The following AXL variants were observed in gnomAD, a reference collection of about 807,000 sequenced individuals.
The protein encoded by AXL is AXL receptor tyrosine kinase, also known as tyrosine-protein kinase receptor UFO.
In AXL, 52 loss-of-function variants were observed where a neutral mutation model predicts 104.5. That is an observed-to-expected ratio of 0.50 (90% CI 0.40 to 0.63). AXL has a LOEUF of 0.63. AXL is among the 20% of genes least tolerant of loss of function. AXL has a pLI of 0.00. For missense variants in AXL, 1,024 were observed against 1,188.5 expected (o/e 0.86, Z 2.04); for synonymous variants, 455 against 473.7 (o/e 0.96, Z 0.51).
chr19:41,229,043 G>A (rs1029542043), intron 4 of AXL, among the ~76,000 whole-genome samples: 19 of 149,146 alleles, frequency 1.3e-4, no homozygotes, highest in African/African-American at 4.5e-4. Context: ...TCTGCCTCCC[G>A]GGTTCAAGCT....
rs1479308023 is a variant in AXL at position 41,230,971 on chromosome 19, G to A, written c.591G>A (p.Leu197=). Residue 197 remains leucine, a synonymous_variant, in exon 5 of 20, where the codon CTG becomes CTA. Coordinates refer to ENST00000301178, the MANE Select transcript of AXL (RefSeq NM_021913.5). ...TTCCCTCATATGACTCCCTAGGGCT[G>A]AACAAGACATCCTCTTTCTCCTGCG... is the stretch of plus-strand genomic sequence containing the variant. ...GPQRSLHVPG[L]NKTSSFSCEA... 3 of 1,613,748 alleles carry A rather than the reference G, an allele frequency of 1.9e-6. No homozygotes were observed. In the African/African-American group the frequency reaches 4.0e-5, roughly 22 times the overall value.
rs772579333 is a variant in AXL at position 41,257,483 on chromosome 19, C to A, written c.2197-10C>A. ...AGGAGAGACTGTCTAATTCCCTCTGCCCCTCACAGTGGTCCTTCGGGGTGA... is the reference window on the plus strand; with the variant it reads ...AGGAGAGACTGTCTAATTCCCTCTGACCCTCACAGTGGTCCTTCGGGGTGA... On this transcript the variant is annotated splice_polypyrimidine_tract_variant and intron_variant, in intron 18 of 19. Coordinates refer to ENST00000301178, the MANE Select transcript of AXL (RefSeq NM_021913.5). 1 of 1,614,140 alleles carries A rather than the reference C, an allele frequency of 6.2e-7. No homozygotes were observed. The highest frequency in any genetic ancestry group is 1.3e-5 in the African/African-American group (1 of 75,046).
At chr19:41,220,987 G>C (rs1475059053) in intron 2 of AXL, 129 bp downstream of exon 2, 13 of 1,255,556 alleles carry the variant, frequency 1.0e-5, no homozygotes, top group Non-Finnish European at 1.3e-5. Flanking sequence ...GGAACCTCTA[G>C]GTTTCGTTTT....
At chr19:41,221,733 GC>G in intron 3 of AXL, 146 bp from the exon 4 acceptor site, 1 of 805,004 alleles carries the variant, frequency 1.2e-6, no homozygotes, top group Non-Finnish European at 1.9e-6. Flanking sequence ...GTTGGGTATG[GC>G]TCAGGTGCCC....
At chr19:41,246,443 T>G (rs1016519786) in intron 12 of AXL, among the ~76,000 whole-genome samples, 13 of 132,246 alleles carry the variant, frequency 9.8e-5, no homozygotes, top group Non-Finnish European at 1.8e-4. Flanking sequence ...TGAGACTGTC[T>G]CAAAAAAAAA....
chr19:41,219,943 A>G (rs1468086312), intron 1 of AXL, among the ~76,000 whole-genome samples: 1 of 148,954 alleles, frequency 6.7e-6, no homozygotes, highest in African/African-American at 2.5e-5. Flanking sequence ...CCACCAGTCC[A>G]CTCCATCTCT....
At chr19:41,230,902 G>A in intron 4 of AXL, 65 bp from the exon 5 acceptor site, 2 of 1,538,456 alleles carry the variant, frequency 1.3e-6, no homozygotes, top group Non-Finnish European at 1.8e-6. Context: ...GAGTGGCCCG[G>A]CATGGCCCCG....
chr19:41,241,543 C>CAAAAAAAAAAAAAAAAAAAAA, intron 10 of AXL, among the ~76,000 whole-genome samples: 1 of 67,062 alleles, frequency 1.5e-5, no homozygotes. Context: ...GACTCTGTCT[C>CAAAAAAAAAAAAAAAAAAAAA]AAAAAAAAAA....
intron 18 of AXL, 21 bp from the exon 19 acceptor site, chr19:41,257,472 A>G: frequency 6.2e-7 from 1 of 1,614,142 alleles, no homozygotes; most frequent in African/African-American, 1.3e-5. Flanking sequence ...GAGACTGTCT[A>G]ATTCCCTCTG....
At chr19:41,247,895 TTTTTA>T (rs145835287) in intron 12 of AXL, among the ~76,000 whole-genome samples, 36,484 of 145,706 alleles carry the variant, frequency 0.25, 5,199 homozygotes, top group African/African-American at 0.37. Context: ...AAAAGAAATA[TTTTTA>T]TTTTATTTTA....
In AXL at chr19:41,243,672, G is replaced by A. The variant is rs774262418; in HGVS notation, c.1502G>A (p.Arg501His). 24 of 1,613,940 alleles carry A rather than the reference G, an allele frequency of 1.5e-5. No homozygotes were observed. Among genetic ancestry groups the A allele is most frequent in the Middle Eastern group, 1.6e-4 (1 of 6,084 alleles). The change falls in exon 12 of 20, where the codon CGC (arginine) becomes CAC (histidine). Residue 501 changes from arginine to histidine, a missense_variant. This residue lies in a region of AXL where 523 missense variants were observed against 636.0 expected (regional missense o/e 0.82). Transcript: ENST00000301178. ...RGELVVRYRV[R>H]KSYSRRTTEA... is the part of the protein sequence containing the mutation. ...GAACTGGTAGTCAGGTACCGCGTGCGCAAGTCCTACAGTCGTCGGACCACT... is the reference window on the plus strand; with the variant it reads ...GAACTGGTAGTCAGGTACCGCGTGCACAAGTCCTACAGTCGTCGGACCACT...
rs2122237317 is a variant in AXL, at chr19:41,239,175, C to T, written c.1146C>T (p.Asp382=). Residue 382 remains aspartate, a synonymous_variant, in exon 9 of 20, where the codon GAC becomes GAT. Coordinates refer to ENST00000301178, the MANE Select transcript of AXL (RefSeq NM_021913.5). ...QGQDTPEVLM[D]IGLRQEVTLE... ...TCTGGACCTCCTAGGTGCTAATGGA[C>T]ATAGGGCTAAGGCAAGAGGTGACCC... The T allele has an allele frequency of 6.2e-7, 1 of 1,613,300 alleles. No individual in the cohort carries two copies. The highest frequency in any genetic ancestry group is 8.5e-7 in the Non-Finnish European group (1 of 1,179,536).
At chr19:41,248,370 G>A in intron 12 of AXL, 144 bp from the exon 13 acceptor site, 1 of 773,532 alleles carries the variant, frequency 1.3e-6, no homozygotes, top group Non-Finnish European at 2.2e-6. Context: ...TGGAAGTAGA[G>A]GGGTGCTCAG....
chr19:41,220,960 G>T, intron 2 of AXL, 102 bp downstream of exon 2: 1 of 1,389,046 alleles, frequency 7.2e-7, no homozygotes, highest in Admixed American at 2.2e-5. Context: ...TCAGCCGTGC[G>T]GCTTTGAGCA....
At chr19:41,239,608 C>CCG in intron 9 of AXL, 86 bp from the exon 10 acceptor site, 1 of 1,536,286 alleles carries the variant, frequency 6.5e-7, no homozygotes, top group South Asian at 1.1e-5. Context: ...ACTCCCTTAC[C>CCG]CGTGCCACAC....
intron 12 of AXL, among the ~76,000 whole-genome samples, chr19:41,246,419 C>T (rs1223800298): frequency 6.6e-6 from 1 of 151,214 alleles, no homozygotes. Flanking sequence ...TGGACTTCAG[C>T]CTGGGCAACA....
intron 1 of AXL, chr19:41,220,386 C>T (rs986151160): frequency 1.9e-5 from 9 of 478,628 alleles, no homozygotes; most frequent in East Asian, 7.6e-5. Flanking sequence ...CAGTGCAGGG[C>T]GTGGGAGGCT....
At chr19:41,232,030 G>A (rs2033999416) in intron 6 of AXL, among the ~76,000 whole-genome samples, 1 of 152,152 alleles carries the variant, frequency 6.6e-6, no homozygotes, top group South Asian at 2.1e-4. Context: ...GCCAGAGTGG[G>A]AGCCCTGAGA....
chr19:41,257,796 C>T (rs1393529090), intron 19 of AXL, among the ~76,000 whole-genome samples, 167 bp downstream of exon 19: 1 of 152,240 alleles, frequency 6.6e-6, no homozygotes, highest in Non-Finnish European at 1.5e-5. Flanking sequence ...CATCACTAAC[C>T]AGTGGGGTGC....
Sources: allele counts gnomAD v4.1 joint callset (sites outside exome capture counted in the v4.1 genomes callset), GRCh38; gene constraint gnomAD v4.1.1; regional missense constraint gnomAD v4.1.1; transcripts MANE v1.5; gene names NCBI Gene and HGNC (gene_info 2026-07-23, HGNC 2026-07-21).